The following VPS13B variants were observed in gnomAD, a reference collection of about 807,000 sequenced individuals.
VPS13B encodes intermembrane lipid transfer protein VPS13B.
VPS13B carries 285 observed loss-of-function variants against 426.4 expected under a neutral mutation model. The observed-to-expected ratio is 0.67, with a 90% CI of 0.61 to 0.74. The LOEUF is 0.74. Ranked by LOEUF, VPS13B falls within the 30% of genes least tolerant of loss-of-function variation. The pLI is 0.00. For synonymous variants in VPS13B, 1,676 were observed against 1,676.4 expected (o/e 1.00, Z 0.01); for missense variants, 4,537 against 4,782.6 (o/e 0.95, Z 1.51).
At chr8:99,112,737 T>C (rs1015309101) in intron 6 of VPS13B, among the ~76,000 whole-genome samples, 2 of 152,208 alleles carry the variant, frequency 1.3e-5, no homozygotes, top group Non-Finnish European at 2.9e-5. Flanking sequence ...GGAAGCTTAC[T>C]ATATAAAATA....
At chr8:99,390,393 C>G (rs1035181439) in intron 20 of VPS13B, among the ~76,000 whole-genome samples, 10 of 152,168 alleles carry the variant, frequency 6.6e-5, no homozygotes, top group African/African-American at 2.4e-4. Context: ...TGAGCCACCG[C>G]ACCCAGCCTC....
intron 39 of VPS13B, among the ~76,000 whole-genome samples, chr8:99,747,090 A>T (rs1198146225): frequency 6.6e-6 from 1 of 152,144 alleles, no homozygotes; most frequent in Non-Finnish European, 1.5e-5. Flanking sequence ...GCTGATGTCT[A>T]TATGACCTCC....
intron 16 of VPS13B, among the ~76,000 whole-genome samples, chr8:99,190,885 A>G (rs1334216053): frequency 6.6e-6 from 1 of 151,104 alleles, no homozygotes; most frequent in African/African-American, 2.4e-5. Context: ...TTCTCTTCAC[A>G]TTTCTTTGTG....
chr8:99,606,772 C>T (rs1472177142), intron 33 of VPS13B, among the ~76,000 whole-genome samples: 1 of 151,996 alleles, frequency 6.6e-6, no homozygotes, highest in Non-Finnish European at 1.5e-5. Context: ...GGATTACAGG[C>T]ATGCGCAATC....
intron 19 of VPS13B, among the ~76,000 whole-genome samples, chr8:99,282,917 T>C (rs1284746211): frequency 1.3e-5 from 2 of 152,186 alleles, no homozygotes; most frequent in Non-Finnish European, 2.9e-5. Flanking sequence ...AAACTTTTGG[T>C]CATTGTTATT....
rs572957947 is a variant in VPS13B, at chr8:99,741,018, A to C, written c.7050+19971A>C. On this transcript the variant is annotated intron_variant, in intron 39 of 61. Coordinates refer to ENST00000357162, the MANE Select transcript of VPS13B (RefSeq NM_152564.5). ...TGGGCTAAATGCTCCAATTAAAAGA[A>C]ACAGACTGGCAAATTGGATAAAGAG... 1.1e-3 allele frequency among the ~76,000 whole-genome samples: 168 copies of C among 152,162 alleles called. 2 individuals carry two copies. Among genetic ancestry groups the C allele is most frequent in the Non-Finnish European group, 1.8e-3 (121 of 68,026 alleles).
chr8:99,749,143 G>A (rs1459686216), intron 39 of VPS13B, among the ~76,000 whole-genome samples: 1 of 152,006 alleles, frequency 6.6e-6, no homozygotes, highest in African/African-American at 2.4e-5. Context: ...TGAGGTAAAT[G>A]AGATATTTTG....
intron 58 of VPS13B, among the ~76,000 whole-genome samples, chr8:99,865,705 G>GA (rs1293898104): frequency 6.6e-6 from 1 of 152,254 alleles, no homozygotes; most frequent in Non-Finnish European, 1.5e-5. Context: ...CGCTGAGCTG[G>GA]AATGTGCAGT....
chr8:99,730,762 C>CCTCCTGAA (rs1833565797), intron 39 of VPS13B, among the ~76,000 whole-genome samples: 1 of 151,376 alleles, frequency 6.6e-6, no homozygotes, highest in Non-Finnish European at 1.5e-5. Context: ...GGTACAGGTA[C>CCTCCTGAA]AGGTACCTCC....
intron 19 of VPS13B, among the ~76,000 whole-genome samples, chr8:99,302,341 T>A (rs773122637): frequency 2.0e-5 from 3 of 152,226 alleles, no homozygotes; most frequent in African/African-American, 7.2e-5. Context: ...ATACTGTAAG[T>A]TGACAATGCA....
At chr8:99,870,361 C>G (rs1232928701) in intron 59 of VPS13B, among the ~76,000 whole-genome samples, 2 of 152,040 alleles carry the variant, frequency 1.3e-5, no homozygotes, top group African/African-American at 4.8e-5. Flanking sequence ...CACTTTGTTT[C>G]CCAGGCTGGT....
intron 33 of VPS13B, among the ~76,000 whole-genome samples, chr8:99,603,715 A>T (rs1827433171): frequency 6.6e-6 from 1 of 152,196 alleles, no homozygotes; most frequent in South Asian, 2.1e-4. Flanking sequence ...CGGACTCTTT[A>T]TTTCTGGAAT....
At chr8:99,111,852 A>G (rs140850208) in intron 6 of VPS13B, among the ~76,000 whole-genome samples, 184 of 152,206 alleles carry the variant, frequency 1.2e-3, no homozygotes, top group African/African-American at 4.1e-3. Context: ...TTACAAGGGT[A>G]TATTGTGTGA....
At chr8:99,325,355 C>T (rs573201260) in intron 19 of VPS13B, among the ~76,000 whole-genome samples, 19 of 152,182 alleles carry the variant, frequency 1.2e-4, no homozygotes, top group Admixed American at 2.0e-4. Flanking sequence ...TGCTTTCTTG[C>T]TAATTTTGCC....
chr8:99,134,642 T>C lies in VPS13B; in HGVS notation c.1217T>C (p.Met406Thr). The change falls in exon 9 of 62, where the codon ATG becomes ACG. Residue 406 changes from methionine to threonine, a missense_variant. Met to Thr is a moderately conservative substitution (Grantham distance 81). Coordinates refer to ENST00000357162, the MANE Select transcript of VPS13B (RefSeq NM_152564.5). ...KATVTFKLTE[M>T]QVESSYYSPQ... is the part of the protein sequence containing the mutation. Reference sequence around the variant, plus strand: ...TCTTATATTTCTTAGCTCACAGAAATGCAAGTTGAGAGTAGTTATTACAGT... The same window carrying C: ...TCTTATATTTCTTAGCTCACAGAAACGCAAGTTGAGAGTAGTTATTACAGT... The C allele has an allele frequency of 6.2e-7, 1 of 1,606,146 alleles. No individual in the cohort carries two copies. Among genetic ancestry groups the C allele is most frequent in the East Asian group, 2.2e-5 (1 of 44,564 alleles).
In VPS13B at chr8:99,751,465, C is replaced by T. The variant is rs147650964; in HGVS notation, c.7051-15309C>T. Among the ~76,000 whole-genome samples, 868 of 152,270 alleles carry T rather than the reference C, an allele frequency of 5.7e-3. 8 individuals are homozygous for T. The highest frequency in any genetic ancestry group is 0.02 in the African/African-American group (832 of 41,554). On this transcript the variant is annotated intron_variant, in intron 39 of 61. Coordinates refer to ENST00000357162, the MANE Select transcript of VPS13B (RefSeq NM_152564.5). ...AGAAAATGCTTATATTTTTAAAACACACTTCAAATCACTTCTAGTAATCCC... is the reference window on the plus strand; with the variant it reads ...AGAAAATGCTTATATTTTTAAAACATACTTCAAATCACTTCTAGTAATCCC...
intron 16 of VPS13B, among the ~76,000 whole-genome samples, chr8:99,173,833 GTTAA>G (rs1233460391): frequency 6.6e-6 from 1 of 152,206 alleles, no homozygotes. Flanking sequence ...AGACCACACA[GTTAA>G]TTAATATCAG....
intron 2 of VPS13B, among the ~76,000 whole-genome samples, chr8:99,032,715 T>G (rs1159313945): frequency 1.4e-4 from 21 of 145,310 alleles, no homozygotes; most frequent in Admixed American, 6.1e-4. Context: ...TTTTTTTTTG[T>G]ATTTTTAGTG....
intron 17 of VPS13B, among the ~76,000 whole-genome samples, chr8:99,244,482 T>C (rs1489630070): frequency 6.6e-6 from 1 of 152,210 alleles, no homozygotes; most frequent in Non-Finnish European, 1.5e-5. Flanking sequence ...AAAAGTAGCA[T>C]ATGCTAGATA....
Sources: gnomAD v4.1 joint callset for allele counts (sites outside exome capture counted in the v4.1 genomes callset) on GRCh38, gnomAD v4.1.1 for gene constraint, MANE v1.5 for transcripts, NCBI Gene and HGNC (gene_info 2026-07-23, HGNC 2026-07-21) for gene names.